The following HEPHL1 variants were observed in gnomAD, a reference collection of about 807,000 sequenced individuals.
HEPHL1 encodes ferroxidase HEPHL1.
Under a neutral mutation model 122.0 loss-of-function variants are expected in HEPHL1, and 123 were observed. The ratio of observed to expected loss-of-function variants is 1.01; its 90% CI spans 0.87 to 1.17. The LOEUF is 1.17. HEPHL1 is among the 50% of genes most tolerant of loss of function. The pLI is 0.00. For synonymous variants in HEPHL1, 527 were observed against 508.9 expected (o/e 1.04, Z -0.48); for missense variants, 1,452 against 1,430.5 (o/e 1.01, Z -0.24).
At chr11:94,099,415 C>T (rs919697278) in intron 13 of HEPHL1, among the ~76,000 whole-genome samples, 2 of 152,198 alleles carry the variant, frequency 1.3e-5, no homozygotes, top group African/African-American at 4.8e-5. Context: ...AGGTGTCAGT[C>T]TGCCCCTACT....
At chr11:94,086,830 C>G (rs1005272521) in intron 11 of HEPHL1, among the ~76,000 whole-genome samples, 1 of 152,222 alleles carries the variant, frequency 6.6e-6, no homozygotes, top group East Asian at 1.9e-4. Flanking sequence ...TAGAGCAACA[C>G]GTGGTAGCAC....
At chr11:94,078,655 G>A (rs1946146254) in intron 9 of HEPHL1, among the ~76,000 whole-genome samples, 1 of 151,878 alleles carries the variant, frequency 6.6e-6, no homozygotes, top group African/African-American at 2.4e-5. Context: ...CAACATTTTA[G>A]TTTAAGCATG....
intron 13 of HEPHL1, among the ~76,000 whole-genome samples, chr11:94,094,005 T>TAG (rs1946286637): frequency 9.0e-6 from 1 of 111,062 alleles, no homozygotes; most frequent in Non-Finnish European, 1.7e-5. Flanking sequence ...TATATATATA[T>TAG]ATATATATAA....
intron 1 of HEPHL1, 47 bp downstream of exon 1, chr11:94,021,585 T>C: frequency 6.8e-7 from 1 of 1,462,496 alleles, no homozygotes; most frequent in Admixed American, 1.9e-5. Flanking sequence ...TGGCCTCTTT[T>C]TGACTTTGTG....
intron 11 of HEPHL1, among the ~76,000 whole-genome samples, 196 bp from the exon 12 acceptor site, chr11:94,088,555 ATCTT>A (rs1946236584): frequency 6.6e-6 from 1 of 152,216 alleles, no homozygotes; most frequent in South Asian, 2.1e-4. Context: ...TTTGGACAGT[ATCTT>A]TCTCTCCACA....
intron 1 of HEPHL1, among the ~76,000 whole-genome samples, chr11:94,033,873 C>G (rs968677535): frequency 6.6e-6 from 1 of 152,132 alleles, no homozygotes; most frequent in Admixed American, 6.5e-5. Flanking sequence ...CACTGTAACA[C>G]GCTTTGGTGA....
rs531596370 is a variant in HEPHL1, at chr11:94,026,498, G to T, written c.170+4960G>T. Among the ~76,000 whole-genome samples the T allele has an allele frequency of 2.4e-4, 36 of 152,266 alleles. No individual in the cohort carries two copies. In the South Asian group the frequency reaches 6.4e-3, roughly 27 times the overall value. On this transcript the variant is annotated intron_variant, in intron 1 of 19. Coordinates refer to ENST00000315765, the MANE Select transcript of HEPHL1 (RefSeq NM_001098672.2). ...CTCTCCTGTTTTCCATGATTCACAG[G>T]CATCCTCTTAGTCCCCATCTTGCTT...
chr11:94,091,829 G>A lies in HEPHL1; in HGVS notation c.2295-1672G>A, dbSNP rs1946265404. On this transcript the variant is annotated intron_variant, in intron 12 of 19. Transcript: ENST00000315765. ...ATGTTCGTGGCAGAGGGAACAACCT[G>A]TGTAAAGGCCTGGAGGTGAGGGAGA... is the stretch of plus-strand genomic sequence containing the variant. 2.0e-5 allele frequency among the ~76,000 whole-genome samples: 3 copies of A among 152,158 alleles called. 1 individual carries two copies. The highest frequency in any genetic ancestry group is 4.4e-5 in the Non-Finnish European group (3 of 68,026).
chr11:94,104,581 G>A lies in HEPHL1; in HGVS notation c.2736G>A (p.Leu912=). 2.5e-6 allele frequency: 4 copies of A among 1,613,898 alleles called. No homozygotes were observed. The highest frequency in any genetic ancestry group is 2.5e-6 in the Non-Finnish European group (3 of 1,179,838). The part of the protein sequence containing the change: ...GPLITCRKGV[L]NEKGRRSDVD... ...TGATTACATGCCGAAAAGGAGTCTT[G>A]AATGAAAAGGGAAGAAGAAGTGACG... The change falls in exon 16 of 20, where the codon TTG becomes TTA. Residue 912 remains leucine, a synonymous_variant. Coordinates refer to ENST00000315765, the MANE Select transcript of HEPHL1 (RefSeq NM_001098672.2).
chr11:94,089,093 T>C, intron 12 of HEPHL1, 125 bp downstream of exon 12: 1 of 884,272 alleles, frequency 1.1e-6, no homozygotes, highest in Non-Finnish European at 1.8e-6. Flanking sequence ...CAGAGACTTT[T>C]ACTTATGTGC....
chr11:94,105,846 T>A, intron 16 of HEPHL1, 145 bp from the exon 17 acceptor site: 1 of 461,232 alleles, frequency 2.2e-6, no homozygotes, highest in Non-Finnish European at 3.7e-6. Flanking sequence ...TCTAGAATGG[T>A]AGGACACTGC....
chr11:94,062,745 G>T (rs899393585), intron 2 of HEPHL1, among the ~76,000 whole-genome samples: 4 of 151,712 alleles, frequency 2.6e-5, no homozygotes, highest in Admixed American at 2.0e-4. Flanking sequence ...TGCACAGACT[G>T]GTCTCTGTCC....
At chr11:94,046,526 C>A (rs1456032295) in intron 2 of HEPHL1, among the ~76,000 whole-genome samples, 1 of 148,358 alleles carries the variant, frequency 6.7e-6, no homozygotes, top group African/African-American at 2.5e-5. Flanking sequence ...TTCCTTGTCA[C>A]TTAGTTGTGC....
In HEPHL1 at chr11:94,113,996, A is replaced by G. The variant is rs1481735434; in HGVS notation, c.*2102A>G. On this transcript the variant is annotated 3_prime_UTR_variant, in exon 20 of 20. Transcript: ENST00000315765. ...GAAAATCAACTCTGCCTTCACTTACACACATATTTCTTCCTATTACAATAC... is the reference window on the plus strand; with the variant it reads ...GAAAATCAACTCTGCCTTCACTTACGCACATATTTCTTCCTATTACAATAC... Among the ~76,000 whole-genome samples, 1 of 152,146 alleles carries G rather than the reference A, an allele frequency of 6.6e-6. No individual in the cohort carries two copies. Among genetic ancestry groups the G allele is most frequent in the Non-Finnish European group, 1.5e-5 (1 of 68,022 alleles).
intron 2 of HEPHL1, among the ~76,000 whole-genome samples, chr11:94,060,351 GGTGT>G (rs1166727950): frequency 1.3e-5 from 2 of 150,996 alleles, no homozygotes; most frequent in African/African-American, 4.9e-5. Context: ...ATATATATAT[GGTGT>G]GTGTGTATAT....
chr11:94,021,529 C>G lies in HEPHL1; in HGVS notation c.161C>G (p.Thr54Arg). The change falls in exon 1 of 20, where the codon ACA becomes AGA. Residue 54 changes from threonine (T) to arginine (R), a missense_variant. Thr to Arg is a moderately conservative substitution (Grantham distance 71). Transcript: ENST00000315765. ...GKNVITGKSF[T>R]EDKLATLFLE... is the part of the protein sequence containing the mutation. Reference sequence around the variant, plus strand: ...AATGTTATTACTGGGAAAAGTTTCACAGAAGACAAGTGAGTGAACTTAGGG... The same window carrying G: ...AATGTTATTACTGGGAAAAGTTTCAGAGAAGACAAGTGAGTGAACTTAGGG... 2 of 1,607,072 alleles carry G rather than the reference C, an allele frequency of 1.2e-6. No individual in the cohort carries two copies. Among genetic ancestry groups the G allele is most frequent in the South Asian group, 2.2e-5 (2 of 89,476 alleles).
intron 6 of HEPHL1, among the ~76,000 whole-genome samples, chr11:94,072,295 A>G (rs1024401722): frequency 1.3e-5 from 2 of 152,138 alleles, no homozygotes; most frequent in Non-Finnish European, 2.9e-5. Flanking sequence ...CAGTGTGATT[A>G]GGGCATGAAC....
chr11:94,060,166 A>G (rs1945975361), intron 2 of HEPHL1, among the ~76,000 whole-genome samples: 1 of 138,724 alleles, frequency 7.2e-6, no homozygotes, highest in Non-Finnish European at 1.5e-5. Context: ...ACTGGGGTAG[A>G]TCTTGAAGAT....
intron 10 of HEPHL1, among the ~76,000 whole-genome samples, chr11:94,085,586 T>C (rs575024534): frequency 2.2e-4 from 33 of 152,306 alleles, no homozygotes; most frequent in African/African-American, 7.0e-4. Context: ...GAGGGTCTTG[T>C]AGAATTCAAT....
Sources: allele counts gnomAD v4.1 joint callset (sites outside exome capture counted in the v4.1 genomes callset), GRCh38; gene constraint gnomAD v4.1.1; transcripts MANE v1.5; gene names NCBI Gene and HGNC (gene_info 2026-07-23, HGNC 2026-07-21).